AS3MT: variants seen among roughly 807,000 people sequenced by gnomAD.
AS3MT encodes the protein arsenite methyltransferase, also known as S-adenosyl-L-methionine:arsenic(III) methyltransferase.
In AS3MT, 47 loss-of-function variants were observed where a neutral mutation model predicts 45.3. The ratio of observed to expected loss-of-function variants is 1.04; its 90% CI spans 0.82 to 1.32. The LOEUF is 1.32. Ranked by LOEUF, AS3MT falls within the 40% of genes most tolerant of loss-of-function variation. AS3MT has a pLI of 0.00. For missense variants in AS3MT, 396 were observed against 451.1 expected (o/e 0.88, Z 1.11); for synonymous variants, 141 against 152.8 (o/e 0.92, Z 0.57).
chr10:102,875,074 G>T (rs1844761240), intron 6 of AS3MT, among the ~76,000 whole-genome samples: 2 of 152,068 alleles, frequency 1.3e-5, no homozygotes, highest in Non-Finnish European at 2.9e-5. Context: ...TCAGATCTTT[G>T]GGAAGTTACA....
intron 9 of AS3MT, among the ~76,000 whole-genome samples, chr10:102,884,045 C>T (rs1844909459): frequency 6.9e-6 from 1 of 144,058 alleles, no homozygotes; most frequent in Non-Finnish European, 1.5e-5. Flanking sequence ...GTGGCACAAT[C>T]TCGGCTCACT....
chr10:102,894,222 G>A (rs994056479), intron 10 of AS3MT, among the ~76,000 whole-genome samples: 3 of 151,824 alleles, frequency 2.0e-5, no homozygotes, highest in Admixed American at 1.3e-4. Context: ...TCAGGAGTTC[G>A]AGACCAGCCT....
rs749382780 is a variant in AS3MT at position 102,900,658 on chromosome 10, TG to T, written c.1087del (p.Asp363MetfsTer33). 5.0e-6 allele frequency: 8 copies of T among 1,614,152 alleles called. No individual in the cohort carries two copies. The Admixed American group carries it at 1.3e-4, about 27-fold the overall frequency. On this transcript the variant is annotated frameshift_variant, in exon 11 of 11. Coordinates refer to ENST00000369880, the MANE Select transcript of AS3MT (RefSeq NM_020682.4). LOFTEE classifies it high-confidence loss of function. ...SDSMKSRCVPDAAGGCCGTKK... is the reference protein window; with the variant it reads ...SDSMKSRCVPXAAGGCCGTKK... ...ACAGTATGAAGTCCAGATGTGTCCCTGATGCTGCTGGAGGCTGCTGTGGCAC... is the reference window on the plus strand; with the variant it reads ...ACAGTATGAAGTCCAGATGTGTCCCTATGCTGCTGGAGGCTGCTGTGGCAC...
chr10:102,897,386 GA>G lies in AS3MT; in HGVS notation c.1021-3195del, dbSNP rs201863292. On this transcript the variant is annotated intron_variant, in intron 10 of 10. Transcript: ENST00000369880. ...GCGACAGAGTGAGGCTCCGTCTCAA[GA>G]AAAAAAAAAAATGCTATCAGAAGAT... 2.7e-3 allele frequency among the ~76,000 whole-genome samples: 389 copies of G among 142,198 alleles called. 3 individuals are homozygous for G. The highest frequency in any genetic ancestry group is 7.7e-3 in the African/African-American group (295 of 38,502). 93.3% of individuals were successfully genotyped at this position (142,198 alleles called of 152,430 possible). A position where few individuals can be genotyped will look rare whatever the true frequency, so the allele number is the denominator to read the frequency against.
intron 6 of AS3MT, among the ~76,000 whole-genome samples, 157 bp from the exon 7 acceptor site, chr10:102,876,797 G>A (rs1844790990): frequency 6.6e-6 from 1 of 152,152 alleles, no homozygotes; most frequent in African/African-American, 2.4e-5. Flanking sequence ...ACTATTGATT[G>A]TAACTAAAGA....
intron 9 of AS3MT, among the ~76,000 whole-genome samples, chr10:102,882,774 A>T (rs1185547514): frequency 6.6e-6 from 1 of 151,972 alleles, no homozygotes; most frequent in African/African-American, 2.4e-5. Context: ...TATTTTTATT[A>T]GAGACAGGGT....
chr10:102,884,859 A>G (rs981459036), intron 9 of AS3MT, among the ~76,000 whole-genome samples: 1 of 152,130 alleles, frequency 6.6e-6, no homozygotes, highest in East Asian at 1.9e-4. Flanking sequence ...ACATTTTTTT[A>G]ATGCATAATA....
rs754093819 is a variant in AS3MT at position 102,878,828 on chromosome 10, G to A, written c.743-21G>A. 2.9e-5 allele frequency: 47 copies of A among 1,608,960 alleles called. No homozygotes were observed. The Admixed American group carries it at 3.4e-4, about 12-fold the overall frequency. ...ACTGGGGGAGTGCTGGAGATGAACC[G>A]TGAATAAATTCTATTTTTAGGTGAC... On this transcript the variant is annotated intron_variant, in intron 8 of 10. Coordinates refer to ENST00000369880, the MANE Select transcript of AS3MT (RefSeq NM_020682.4).
At position 102,896,413 on chromosome 10, in the gene AS3MT, C is replaced by T. The variant is rs576657517; in HGVS notation, c.1021-4180C>T. Among the ~76,000 whole-genome samples, 14 of 151,124 alleles carry T rather than the reference C, an allele frequency of 9.3e-5. No individual in the cohort carries two copies. In the South Asian group the frequency reaches 2.9e-3, roughly 32 times the overall value. ...ACATTTGTAGTTGGGGAAGGTTAAT[C>T]GAACCTAAAATATAAGAATCCTGGA... is the stretch of plus-strand genomic sequence containing the variant. On this transcript the variant is annotated intron_variant, in intron 10 of 10. Coordinates refer to ENST00000369880, the MANE Select transcript of AS3MT (RefSeq NM_020682.4).
chr10:102,878,509 C>A lies in AS3MT; in HGVS notation c.741C>A (p.Ile247=), dbSNP rs199561321. 6.2e-7 allele frequency: 1 copy of A among 1,613,674 alleles called. No homozygotes were observed. The highest frequency in any genetic ancestry group is 1.1e-5 in the South Asian group (1 of 91,018). Residue 247 remains isoleucine (I), a splice_region_variant and synonymous_variant, in exon 8 of 11, where the codon ATC becomes ATA. Coordinates refer to ENST00000369880, the MANE Select transcript of AS3MT (RefSeq NM_020682.4). ...AAAACAAGGAACTGGAAAGAGTTAT[C>A]GGTAAGATATGACAGACAGCAGGGA... is the stretch of plus-strand genomic sequence containing the variant. ...TIQNKELERV[I]GDCRFVSATF...
intron 9 of AS3MT, among the ~76,000 whole-genome samples, chr10:102,885,887 G>C (rs1425226942): frequency 6.7e-6 from 1 of 149,532 alleles, no homozygotes; most frequent in African/African-American, 2.5e-5. Flanking sequence ...GGCTGGTCTC[G>C]AACTCCTGAC....
chr10:102,886,611 C>A (rs1312386533), intron 9 of AS3MT, among the ~76,000 whole-genome samples: 3 of 151,926 alleles, frequency 2.0e-5, no homozygotes, highest in African/African-American at 7.3e-5. Flanking sequence ...AGCCATTGTG[C>A]CCGGCCCTTC....
In AS3MT at chr10:102,890,481, A is replaced by AT. The variant is rs1250269546; in HGVS notation, c.886-57dup. ...TGTGGAGAAAACGATACTTCTGGGC[A>AT]TTTTTTCTTCTATTGAGACTAAAGT... On this transcript the variant is annotated intron_variant, in intron 9 of 10. Transcript: ENST00000369880. The AT allele has an allele frequency of 2.8e-6, 4 of 1,416,566 alleles. No individual in the cohort carries two copies. The African/African-American group carries it at 4.4e-5, about 15-fold the overall frequency. 87.7% of individuals were successfully genotyped at this position (1,416,566 alleles called of 1,614,324 possible).
chr10:102,876,436 C>A (rs1001586875), intron 6 of AS3MT, among the ~76,000 whole-genome samples: 8 of 151,452 alleles, frequency 5.3e-5, no homozygotes, highest in African/African-American at 1.9e-4. Flanking sequence ...CCACCATGCC[C>A]AGCTAGTTTT....
At position 102,888,851 on chromosome 10, in the gene AS3MT, CTATATATATATA is replaced by C. The variant is rs553598133; in HGVS notation, c.886-1673_886-1662del. 4.7e-3 allele frequency among the ~76,000 whole-genome samples: 435 copies of C among 91,638 alleles called. 13 individuals carry two copies. The highest frequency in any genetic ancestry group is 0.014 in the African/African-American group (313 of 22,592). The allele number at this position is 91,638 out of a possible 152,430, so 60.1% of individuals were successfully genotyped here. A position where few individuals can be genotyped will look rare whatever the true frequency, so the allele number is the denominator to read the frequency against. ...TAGGTCTTATTTCTTTCATCAAACC[CTATATATATATA>C]TATATATATATATATATATTTTTTT... is the stretch of plus-strand genomic sequence containing the variant. On this transcript the variant is annotated intron_variant, in intron 9 of 10. Transcript: ENST00000369880.
At chr10:102,883,980 CTTTT>C (rs35305641) in intron 9 of AS3MT, among the ~76,000 whole-genome samples, 3 of 129,420 alleles carry the variant, frequency 2.3e-5, no homozygotes, top group Non-Finnish European at 3.3e-5. Flanking sequence ...TTCTTTATTT[CTTTT>C]TTTTTTTTTT....
chr10:102,874,254 G>A (rs1234383376), intron 5 of AS3MT, among the ~76,000 whole-genome samples: 5 of 119,800 alleles, frequency 4.2e-5, no homozygotes, highest in East Asian at 4.0e-4. Context: ...ACATCCTCTC[G>A]GGAAAAAAAA....
intron 9 of AS3MT, among the ~76,000 whole-genome samples, chr10:102,880,298 T>A (rs549343818): frequency 3.1e-5 from 4 of 128,376 alleles, no homozygotes; most frequent in African/African-American, 1.1e-4. Context: ...TATTATTGTT[T>A]TTTATTTTTT....
chr10:102,900,371 A>G (rs761191754), intron 10 of AS3MT, among the ~76,000 whole-genome samples: 3 of 152,258 alleles, frequency 2.0e-5, no homozygotes, highest in South Asian at 2.1e-4. Flanking sequence ...GACCATCTTT[A>G]AGAAGCTTTA....
Sources: gnomAD v4.1 joint callset for allele counts (sites outside exome capture counted in the v4.1 genomes callset) on GRCh38, gnomAD v4.1.1 for gene constraint, MANE v1.5 for transcripts, NCBI Gene and HGNC (gene_info 2026-07-23, HGNC 2026-07-21) for gene names.